ZNF875: variants seen among roughly 807,000 people sequenced by gnomAD.
ZNF875 encodes the protein zinc finger protein 875.
A neutral mutation model predicts 11.2 loss-of-function variants in ZNF875; 14 were observed. The ratio of observed to expected loss-of-function variants is 1.26; its 90% CI spans 0.83 to 1.96. The LOEUF (loss-of-function observed/expected upper bound fraction) is 1.96, where lower values mean the gene tolerates loss of function less well. ZNF875 is among the 30% of genes most tolerant of loss of function. ZNF875 has a pLI of 0.00. For missense variants in ZNF875, 752 were observed against 760.4 expected (o/e 0.99, Z 0.13); for synonymous variants, 301 against 281.1 (o/e 1.07, Z -0.71).
chr19:37,350,033 C>T (rs1476467778), intron 4 of ZNF875, among the ~76,000 whole-genome samples: 3 of 133,220 alleles, frequency 2.3e-5, no homozygotes, highest in South Asian at 2.6e-4. Context: ...GGCGCAATCT[C>T]GGCTCACTGC....
intron 2 of ZNF875, among the ~76,000 whole-genome samples, chr19:37,335,773 G>A (rs974095906): frequency 6.6e-6 from 1 of 152,190 alleles, no homozygotes; most frequent in Non-Finnish European, 1.5e-5. Flanking sequence ...GGCAGTGTGC[G>A]TTTGCTCACA....
upstream of ZNF875, among the ~76,000 whole-genome samples, chr19:37,316,236 T>C (rs1445591065): frequency 6.6e-6 from 1 of 152,260 alleles, no homozygotes; most frequent in Admixed American, 6.5e-5. Context: ...CGCTCTGTCC[T>C]CCGGAATTGC....
In ZNF875 at chr19:37,347,884, G is replaced by C; in HGVS notation, c.256+12G>C. ...GGACCTCTGTCCAGGTGAGTGTTGA[G>C]TGTGGGGTAGACGGGATAATCCACA... On this transcript the variant is annotated intron_variant, in intron 4 of 4. Coordinates refer to ENST00000392153, the MANE Select transcript of ZNF875 (RefSeq NM_001353803.2). The C allele has an allele frequency of 6.7e-7, 1 of 1,483,276 alleles. No individual in the cohort carries two copies. Among genetic ancestry groups the C allele is most frequent in the Non-Finnish European group, 9.4e-7 (1 of 1,060,730 alleles). The allele number at this position is 1,483,276 out of a possible 1,614,324, so 91.9% of individuals were successfully genotyped here.
chr19:37,355,493 G>A (rs1213224203), intron 4 of ZNF875, among the ~76,000 whole-genome samples: 1 of 152,138 alleles, frequency 6.6e-6, no homozygotes, highest in Admixed American at 6.5e-5. Flanking sequence ...CGGCCTGTAA[G>A]TGTTTGTTTC....
Position 37,339,634 on chromosome 19 carries a change from G to A in ZNF875, c.33+4377G>A, listed in dbSNP as rs574779155. 2.8e-5 allele frequency among the ~76,000 whole-genome samples: 4 copies of A among 140,866 alleles called. No individual in the cohort carries two copies. In the South Asian group the frequency reaches 6.8e-4, roughly 24 times the overall value. 92.4% of individuals were successfully genotyped at this position (140,866 alleles called of 152,430 possible). ...GGGATGCAGTGGTGCAATCGATCTC[G>A]CCTCACTGCAACCTCTGCCTCCCAG... On this transcript the variant is annotated intron_variant, in intron 2 of 4. Coordinates refer to ENST00000392153, the MANE Select transcript of ZNF875 (RefSeq NM_001353803.2).
intron 2 of ZNF875, among the ~76,000 whole-genome samples, chr19:37,343,258 G>A (rs1022353975): frequency 2.0e-5 from 3 of 151,660 alleles, no homozygotes; most frequent in Non-Finnish European, 2.9e-5. Context: ...CAGGAGAATC[G>A]CTTGAACCCA....
intron 3 of ZNF875, among the ~76,000 whole-genome samples, chr19:37,323,910 C>G (rs1043287125): frequency 1.3e-5 from 2 of 152,124 alleles, no homozygotes; most frequent in Non-Finnish European, 2.9e-5. Flanking sequence ...ATGCAGGGCC[C>G]CAGTGGGTAA....
chr19:37,323,782 G>A (rs2031935403), intron 3 of ZNF875, among the ~76,000 whole-genome samples: 1 of 152,222 alleles, frequency 6.6e-6, no homozygotes, highest in African/African-American at 2.4e-5. Context: ...CCTTCCCACT[G>A]TGTCCCCCAA....
Position 37,362,299 on chromosome 19 carries a change from T to C in ZNF875, c.447T>C (p.Ser149=). 1.2e-6 allele frequency: 2 copies of C among 1,614,058 alleles called. No homozygotes were observed. Among genetic ancestry groups the C allele is most frequent in the South Asian group, 2.2e-5 (2 of 91,084 alleles). ...QKQQQDPFCF[S]GKAEWIQEGE... ...AACAGCAGGATCCATTCTGCTTTAG[T>C]GGCAAAGCAGAATGGATTCAAGAGG... The change falls in exon 5 of 5, where the codon AGT becomes AGC. Residue 149 remains serine, a synonymous_variant. Coordinates refer to ENST00000392153, the MANE Select transcript of ZNF875 (RefSeq NM_001353803.2).
chr19:37,347,881 T>C lies in ZNF875; in HGVS notation c.256+9T>C. The C allele has an allele frequency of 1.3e-6, 2 of 1,519,522 alleles. No homozygotes were observed. Among genetic ancestry groups the C allele is most frequent in the East Asian group, 4.5e-5 (2 of 44,424 alleles). The allele number at this position is 1,519,522 out of a possible 1,614,324, so 94.1% of individuals were successfully genotyped here. A position where few individuals can be genotyped will look rare whatever the true frequency, so the allele number is the denominator to read the frequency against. On this transcript the variant is annotated intron_variant, in intron 4 of 4. Transcript: ENST00000392153. ...ACTGGACCTCTGTCCAGGTGAGTGT[T>C]GAGTGTGGGGTAGACGGGATAATCC...
Position 37,362,481 on chromosome 19 carries a change from A to G in ZNF875, c.629A>G (p.Glu210Gly). ...SSPERRADLE[E>G]TDKVLHGLEV... ...CCTGAACGGAGGGCAGATCTAGAGG[A>G]AACAGACAAAGTATTGCATGGTTTA... Residue 210 changes from glutamate (E) to glycine (G), a missense_variant, in exon 5 of 5, where the codon GAA becomes GGA. Transcript: ENST00000392153. The G allele has an allele frequency of 6.2e-7, 1 of 1,614,212 alleles. No individual in the cohort carries two copies. Among genetic ancestry groups the G allele is most frequent in the Admixed American group, 1.7e-5 (1 of 60,020 alleles).
At chr19:37,330,315 G>A (rs945381125), upstream of ZNF875, among the ~76,000 whole-genome samples, 1 of 152,052 alleles carries the variant, frequency 6.6e-6, no homozygotes, top group Non-Finnish European at 1.5e-5. Context: ...TGTCTTCCAT[G>A]CTAGGGACAG....
intron 4 of ZNF875, among the ~76,000 whole-genome samples, chr19:37,353,534 A>G (rs1265476745): frequency 6.6e-6 from 1 of 152,204 alleles, no homozygotes. Context: ...CTTAATGTAG[A>G]TACAAGTTGC....
chr19:37,362,937 G>A lies in ZNF875; in HGVS notation c.1085G>A (p.Gly362Glu), dbSNP rs752555958. ...ATTACCCACCAGAGGGCGCACACTG[G>A]GGAGAAGCCTTATGTTTGCAGGGAA... ...NLITHQRAHT[G>E]EKPYVCRECG... Residue 362 changes from glycine to glutamate, a missense_variant, in exon 5 of 5, where the codon GGG becomes GAG. Transcript: ENST00000392153. 1 of 1,614,184 alleles carries A rather than the reference G, an allele frequency of 6.2e-7. No individual in the cohort carries two copies. The highest frequency in any genetic ancestry group is 8.5e-7 in the Non-Finnish European group (1 of 1,180,032).
At chr19:37,359,251 T>C (rs923869824) in intron 4 of ZNF875, among the ~76,000 whole-genome samples, 1 of 152,146 alleles carries the variant, frequency 6.6e-6, no homozygotes, top group African/African-American at 2.4e-5. Flanking sequence ...TATATGATTG[T>C]CACCTCTATT....
rs757402237 is a variant in ZNF875, at chr19:37,362,641, T to G, written c.789T>G (p.Phe263Leu). The change falls in exon 5 of 5, where the codon TTT becomes TTG. Residue 263 changes from phenylalanine (F) to leucine (L), a missense_variant. Coordinates refer to ENST00000392153, the MANE Select transcript of ZNF875 (RefSeq NM_001353803.2). ...TGTACACTGAGTGGGGAGACAGCTT[T>G]GGCAGTATGTCAGTCCTCATCAAAA... Reference protein sequence around the residue: ...PYMYTEWGDSFGSMSVLIKNP... With the variant: ...PYMYTEWGDSLGSMSVLIKNP... 2 of 1,613,292 alleles carry G rather than the reference T, an allele frequency of 1.2e-6. No homozygotes were observed. The highest frequency in any genetic ancestry group is 1.7e-6 in the Non-Finnish European group (2 of 1,179,608).
chr19:37,317,648 G>A (rs1281931199), upstream of ZNF875, among the ~76,000 whole-genome samples: 1 of 152,254 alleles, frequency 6.6e-6, no homozygotes, highest in East Asian at 1.9e-4. Flanking sequence ...GCAGCGGGTA[G>A]ACGTTCCAGC....
At chr19:37,358,049 T>G in intron 4 of ZNF875, 4 of 398,150 alleles carry the variant, frequency 1.0e-5, no homozygotes, top group Non-Finnish European at 1.8e-5. Flanking sequence ...GGTATGTTCC[T>G]TTGATGCCTA....
intron 1 of ZNF875, among the ~76,000 whole-genome samples, chr19:37,319,195 C>T (rs2030771100): frequency 6.6e-6 from 1 of 151,352 alleles, no homozygotes; most frequent in South Asian, 2.1e-4. Flanking sequence ...TATAGGCATG[C>T]ACCATCATGC....
Sources: allele counts gnomAD v4.1 joint callset (sites outside exome capture counted in the v4.1 genomes callset), GRCh38; gene constraint gnomAD v4.1.1; transcripts MANE v1.5; gene names NCBI Gene and HGNC (gene_info 2026-07-23, HGNC 2026-07-21).